Variants in GNRHR observed in about 807,000 individuals in gnomAD.
The protein encoded by GNRHR is gonadotropin releasing hormone receptor.
Under a neutral mutation model 28.1 loss-of-function variants are expected in GNRHR, and 14 were observed. The observed-to-expected ratio is 0.50, with a 90% CI of 0.33 to 0.78. GNRHR has a LOEUF of 0.78. GNRHR is among the 30% of genes least tolerant of loss of function. The probability of loss-of-function intolerance (pLI) is 0.02; values close to 1 mark genes in which losing one functional copy is unlikely to be tolerated. For missense variants in GNRHR, 366 were observed against 382.1 expected, an observed-to-expected ratio of 0.96 and a Z score of 0.35; for synonymous variants, 141 against 140.5, an observed-to-expected ratio of 1.00 and a Z score of -0.02.
Position 67,738,862 on chromosome 4 carries a change from A to G in GNRHR, c.*1618T>C, listed in dbSNP as rs1205241195. ...TATGAATGAAAGAGTGAGTAGACAG[A>G]GGGAGTTCAATTGAGACAGAATTGG... is the stretch of plus-strand genomic sequence containing the variant. On this transcript the variant is annotated 3_prime_UTR_variant, in exon 3 of 3. Coordinates refer to ENST00000226413, the MANE Select transcript of GNRHR (RefSeq NM_000406.3). Among the ~76,000 whole-genome samples the G allele has an allele frequency of 6.6e-6, 1 of 151,982 alleles. No homozygotes were observed. The highest frequency in any genetic ancestry group is 1.5e-5 in the Non-Finnish European group (1 of 67,890).
rs1437980619 is a variant in GNRHR at position 67,737,416 on chromosome 4, T to C, written c.*3064A>G. On this transcript the variant is annotated 3_prime_UTR_variant, in exon 3 of 3. Transcript: ENST00000226413. ...ATTTCTTTTATTCATATGAGCACAA[T>C]GTATAGTAATTAGAGAAGCCCAAGG... is the stretch of plus-strand genomic sequence containing the variant. Among the ~76,000 whole-genome samples the C allele has an allele frequency of 1.3e-5, 2 of 151,972 alleles. No homozygotes were observed. Among genetic ancestry groups the C allele is most frequent in the Non-Finnish European group, 2.9e-5 (2 of 67,918 alleles).
chr4:67,738,737 G>T lies in GNRHR; in HGVS notation c.*1743C>A, dbSNP rs930727189. Among the ~76,000 whole-genome samples, 2 of 151,910 alleles carry T rather than the reference G, an allele frequency of 1.3e-5. No homozygotes were observed. The highest frequency in any genetic ancestry group is 2.4e-5 in the African/African-American group (1 of 41,398). The stretch of plus-strand genomic sequence containing the variant: ...GGAATGGGTTTATGTGCCAACTTGA[G>T]CATTTTAGCACACTACAGAATTTTA... On this transcript the variant is annotated 3_prime_UTR_variant, in exon 3 of 3. Transcript: ENST00000226413.
intron 1 of GNRHR, among the ~76,000 whole-genome samples, chr4:67,749,096 A>C (rs2109985560): frequency 6.6e-6 from 1 of 152,206 alleles, no homozygotes; most frequent in Non-Finnish European, 1.5e-5. Flanking sequence ...CATTATTGCT[A>C]TTGTTATTTC....
At chr4:67,743,735 C>T (rs3828562) in intron 2 of GNRHR, among the ~76,000 whole-genome samples, 30,711 of 151,946 alleles carry the variant, frequency 0.2, 3,362 homozygotes, top group Middle Eastern at 0.3. Context: ...TGGAATCTCT[C>T]GAGATAAGAT....
At chr4:67,753,079 T>G (rs1381676351) in intron 1 of GNRHR, among the ~76,000 whole-genome samples, 1 of 152,214 alleles carries the variant, frequency 6.6e-6, no homozygotes, top group Non-Finnish European at 1.5e-5. Flanking sequence ...CTAGGCTGCT[T>G]CTGGTGAAGG....
Position 67,740,446 on chromosome 4 carries a change from CCTT to C in GNRHR, c.*31_*33del. On this transcript the variant is annotated 3_prime_UTR_variant, in exon 3 of 3. Transcript: ENST00000226413. ...CAGATGGAGAGATTCATTACCTTAC[CCTT>C]CTTCATATGACTTCTTGTGTAGTCT... is the stretch of plus-strand genomic sequence containing the variant. 6.7e-7 allele frequency: 1 copy of C among 1,500,202 alleles called. No homozygotes were observed. The highest frequency in any genetic ancestry group is 9.3e-7 in the Non-Finnish European group (1 of 1,077,100). 92.9% of individuals were successfully genotyped at this position (1,500,202 alleles called of 1,614,324 possible).
Position 67,754,247 on chromosome 4 carries a change from G to A in GNRHR, c.89C>T (p.Thr30Ile), listed in dbSNP as rs764392018. 1.2e-6 allele frequency: 2 copies of A among 1,613,962 alleles called. No homozygotes were observed. The highest frequency in any genetic ancestry group is 2.2e-5 in the South Asian group (2 of 91,078). Residue 30 changes from threonine to isoleucine, a missense_variant, in exon 1 of 3, where the codon ACT becomes ATT. Coordinates refer to ENST00000226413, the MANE Select transcript of GNRHR (RefSeq NM_000406.3). Reference sequence around the variant, plus strand: ...TCGGATCTTTCCAGACAAGGTCAGAGTGGGGAGGTTGCCCTGCATCAGTGG... The same window carrying A: ...TCGGATCTTTCCAGACAAGGTCAGAATGGGGAGGTTGCCCTGCATCAGTGG... ...SIPLMQGNLP[T>I]LTLSGKIRVT...
Position 67,753,839 on chromosome 4 carries a change from A to G in GNRHR, c.497T>C (p.Leu166Pro). 1.9e-6 allele frequency: 3 copies of G among 1,613,594 alleles called. No individual in the cohort carries two copies. Among genetic ancestry groups the G allele is most frequent in the South Asian group, 2.2e-5 (2 of 91,022 alleles). Residue 166 changes from leucine to proline, a missense_variant, in exon 1 of 3, where the codon CTC (leucine) becomes CCC (proline). Physicochemically the swap from Leu to Pro is moderately conservative, Grantham distance 98. Coordinates refer to ENST00000226413, the MANE Select transcript of GNRHR (RefSeq NM_000406.3). ...CTGTGGTCCTGCAAAGACACTACTG[A>G]GGATCCAGGCCAGGCCAACCATGGA... Reference protein sequence around the residue: ...GQSMVGLAWILSSVFAGPQLY... With the variant: ...GQSMVGLAWIPSSVFAGPQLY...
At chr4:67,741,358 G>C (rs1298167545) in intron 2 of GNRHR, among the ~76,000 whole-genome samples, 2 of 151,974 alleles carry the variant, frequency 1.3e-5, no homozygotes, top group Non-Finnish European at 2.9e-5. Flanking sequence ...TTCTATCCAG[G>C]TTGCTGCAAA....
chr4:67,744,600 G>T lies in GNRHR; in HGVS notation c.710C>A (p.Thr237Asn), dbSNP rs139615318. 66 of 1,611,134 alleles carry T rather than the reference G, an allele frequency of 4.1e-5. No homozygotes were observed. The highest frequency in any genetic ancestry group is 5.4e-5 in the Non-Finnish European group (63 of 1,177,364). The change falls in exon 2 of 3, where the codon ACC (threonine) becomes AAC (asparagine). Residue 237 changes from threonine to asparagine, a missense_variant. Coordinates refer to ENST00000226413, the MANE Select transcript of GNRHR (RefSeq NM_000406.3). Reference protein sequence around the residue: ...MLICNAKIIFTLTRVLHQDPH... With the variant: ...MLICNAKIIFNLTRVLHQDPH... ...GTCCTGATGAAGGACCCGTGTCAGG[G>T]TGAAGATGATTTTTGCATTGCAGAT...
In GNRHR at chr4:67,754,226, A is replaced by G; in HGVS notation, c.110T>C (p.Ile37Thr). ...NLPTLTLSGK[I>T]RVTVTFFLFL... ...AAGGAAGAAAGTAACCGTCACTCGG[A>G]TCTTTCCAGACAAGGTCAGAGTGGG... Residue 37 changes from isoleucine to threonine, a missense_variant, in exon 1 of 3, where the codon ATC (isoleucine) becomes ACC (threonine). By Grantham distance (89) the Ile-to-Thr change is moderately conservative. Transcript: ENST00000226413. 1 of 1,614,116 alleles carries G rather than the reference A, an allele frequency of 6.2e-7. No homozygotes were observed. Among genetic ancestry groups the G allele is most frequent in the Non-Finnish European group, 8.5e-7 (1 of 1,179,946 alleles).
chr4:67,749,497 C>T (rs150838058), intron 1 of GNRHR, among the ~76,000 whole-genome samples: 86 of 152,190 alleles, frequency 5.7e-4, no homozygotes, highest in African/African-American at 1.8e-3. Context: ...AAATTAGATA[C>T]GGGCACATCT....
intron 1 of GNRHR, chr4:67,747,515 C>T (rs1731776533): frequency 6.6e-6 from 1 of 151,926 alleles, no homozygotes; most frequent in African/African-American, 2.4e-5. Flanking sequence ...TGTTTTCACA[C>T]CAACTTGGTG....
At chr4:67,742,192 A>G (rs976740924) in intron 2 of GNRHR, among the ~76,000 whole-genome samples, 4 of 152,056 alleles carry the variant, frequency 2.6e-5, no homozygotes, top group African/African-American at 9.7e-5. Flanking sequence ...CAGGTCTTAG[A>G]TTTCAGTCTT....
chr4:67,744,432 TG>T, intron 2 of GNRHR, 135 bp downstream of exon 2: 1 of 682,206 alleles, frequency 1.5e-6, no homozygotes, highest in Middle Eastern at 3.7e-4. Flanking sequence ...CCTTATGGGG[TG>T]ATTGTGAATA....
Position 67,737,408 on chromosome 4 carries a change from G to A in GNRHR, c.*3072C>T, listed in dbSNP as rs1337989766. ...CTTTTAAAATTTCTTTTATTCATAT[G>A]AGCACAATGTATAGTAATTAGAGAA... On this transcript the variant is annotated 3_prime_UTR_variant, in exon 3 of 3. Coordinates refer to ENST00000226413, the MANE Select transcript of GNRHR (RefSeq NM_000406.3). Among the ~76,000 whole-genome samples the A allele has an allele frequency of 1.3e-5, 2 of 151,640 alleles. No homozygotes were observed. The highest frequency in any genetic ancestry group is 2.9e-5 in the Non-Finnish European group (2 of 67,830).
Position 67,740,532 on chromosome 4 carries a change from G to T in GNRHR, c.935C>A (p.Ala312Asp). The T allele has an allele frequency of 6.2e-7, 1 of 1,606,184 alleles. No individual in the cohort carries two copies. The highest frequency in any genetic ancestry group is 8.5e-7 in the Non-Finnish European group (1 of 1,172,876). ...DPVNHFFFLF[A>D]FLNPCFDPLI... ...TGGATCAAAGCATGGGTTTAAAAAG[G>T]CAAAGAGAAAGAAGAAGTGATTTAC... The change falls in exon 3 of 3, where the codon GCC becomes GAC. Residue 312 changes from alanine (A) to aspartate (D), a missense_variant. By Grantham distance (126) the Ala-to-Asp change is moderately radical. Transcript: ENST00000226413.
At chr4:67,743,611 C>T (rs1472315856) in intron 2 of GNRHR, among the ~76,000 whole-genome samples, 1 of 151,976 alleles carries the variant, frequency 6.6e-6, no homozygotes, top group Non-Finnish European at 1.5e-5. Context: ...TTGCTTCCTG[C>T]CTCTGCTTTT....
chr4:67,748,610 G>A (rs891741346), intron 1 of GNRHR, among the ~76,000 whole-genome samples: 5 of 151,884 alleles, frequency 3.3e-5, no homozygotes, highest in South Asian at 2.1e-4. Flanking sequence ...TGGGTAGAGT[G>A]TAGTAGTTAA....
Sources: gnomAD v4.1 joint callset for allele counts (sites outside exome capture counted in the v4.1 genomes callset) on GRCh38, gnomAD v4.1.1 for gene constraint, MANE v1.5 for transcripts, NCBI Gene and HGNC (gene_info 2026-07-23, HGNC 2026-07-21) for gene names.